The following NTRK1 variants were observed in gnomAD, a reference collection of about 807,000 sequenced individuals.
NTRK1 encodes the protein neurotrophic receptor tyrosine kinase 1.
NTRK1 carries 62 observed loss-of-function variants against 86.8 expected under a neutral mutation model. The ratio of observed to expected loss-of-function variants is 0.71; its 90% CI spans 0.58 to 0.88. NTRK1 has a LOEUF of 0.88. Among genes scored for constraint, NTRK1 ranks in the 40% least tolerant of loss-of-function variants. The probability of loss-of-function intolerance (pLI) is 0.00; values close to 1 mark genes in which losing one functional copy is unlikely to be tolerated. For synonymous variants in NTRK1, 469 were observed against 456.6 expected (o/e 1.03, Z -0.35); for missense variants, 967 against 1,078.4 (o/e 0.90, Z 1.45).
intron 14 of NTRK1, among the ~76,000 whole-genome samples, chr1:156,877,734 A>G (rs147970380): frequency 2.0e-3 from 310 of 152,322 alleles, no homozygotes; most frequent in African/African-American, 7.1e-3. Context: ...CAAGCGCTGT[A>G]TGGTTGTCCA....
chr1:156,833,122 C>G (rs577693188), intron 1 of NTRK1, among the ~76,000 whole-genome samples: 1 of 152,366 alleles, frequency 6.6e-6, no homozygotes, highest in South Asian at 2.1e-4. Context: ...AATAGGTGTA[C>G]AGATCTGACT....
At chr1:156,880,719 G>C (rs531996943) in intron 16 of NTRK1, among the ~76,000 whole-genome samples, 4 of 152,200 alleles carry the variant, frequency 2.6e-5, no homozygotes, top group Non-Finnish European at 4.4e-5. Context: ...CTGGTGGGGT[G>C]GGGGAGAGGG....
intron 7 of NTRK1, among the ~76,000 whole-genome samples, chr1:156,872,556 A>G (rs1370412960): frequency 6.6e-6 from 1 of 151,810 alleles, no homozygotes; most frequent in Non-Finnish European, 1.5e-5. Context: ...CATGCAATTC[A>G]TTGCTAAATA....
intron 1 of NTRK1, chr1:156,840,880 C>T: frequency 1.2e-6 from 2 of 1,612,566 alleles, no homozygotes; most frequent in Non-Finnish European, 1.7e-6. Flanking sequence ...CCCTCAGTGC[C>T]CTGGACCCCC....
chr1:156,833,734 C>A (rs1261517350), intron 1 of NTRK1, among the ~76,000 whole-genome samples: 1 of 152,196 alleles, frequency 6.6e-6, no homozygotes, highest in Non-Finnish European at 1.5e-5. Context: ...CTCTGCCAAC[C>A]ACACTTCCCA....
intron 1 of NTRK1, among the ~76,000 whole-genome samples, chr1:156,825,823 A>G (rs1654303129): frequency 6.6e-6 from 1 of 152,158 alleles, no homozygotes; most frequent in Admixed American, 6.5e-5. Flanking sequence ...GCTTGCCATG[A>G]GCAAACACTG....
chr1:156,842,243 A>G lies in NTRK1; in HGVS notation c.50+50A>G, dbSNP rs756700664. 2.0e-5 allele frequency: 33 copies of G among 1,613,542 alleles called. No homozygotes were observed. The East Asian group carries it at 6.2e-4, about 31-fold the overall frequency. On this transcript the variant is annotated intron_variant, in intron 2 of 16. Transcript: ENST00000392302. ...ACCAGCCATTTGGATCATTTCCCCC[A>G]ATGCTGGCTGTGGGAGCCCAGGGTT...
In NTRK1 at chr1:156,876,348, G is replaced by A. The variant is rs376648734; in HGVS notation, c.1633-52G>A. On this transcript the variant is annotated intron_variant, in intron 13 of 16. Coordinates refer to ENST00000524377, the MANE Select transcript of NTRK1 (RefSeq NM_002529.4). ...GTGGGCGGGCTGCCCTGGGTGAACA[G>A]CAGTGAGGGCTCGGCCCCCAACTCA... The A allele has an allele frequency of 1.8e-3, 2,886 of 1,612,020 alleles. 7 individuals carry two copies. Among genetic ancestry groups the A allele is most frequent in the Middle Eastern group, 2.1e-3 (12 of 5,780 alleles).
intron 2 of NTRK1, chr1:156,846,830 AC>A: frequency 8.3e-7 from 1 of 1,202,704 alleles, no homozygotes; most frequent in Non-Finnish European, 1.2e-6. Flanking sequence ...GCTCTGAATC[AC>A]CCCAGGACTG....
At chr1:156,849,376 G>C in intron 2 of NTRK1, 3 of 1,613,850 alleles carry the variant, frequency 1.9e-6, no homozygotes, top group Non-Finnish European at 2.5e-6. Flanking sequence ...AGTAGATCTT[G>C]CCCACGGGAA....
At chr1:156,849,068 G>T (rs2102863266) in intron 2 of NTRK1, 1 of 1,606,248 alleles carries the variant, frequency 6.2e-7, no homozygotes. Context: ...CGAGGGGCCT[G>T]CTCGCAACCG....
chr1:156,829,048 A>T (rs1654397311), intron 1 of NTRK1, among the ~76,000 whole-genome samples: 1 of 152,228 alleles, frequency 6.6e-6, no homozygotes, highest in South Asian at 2.1e-4. Flanking sequence ...AGCAAACAAG[A>T]TGTGCGCAGC....
chr1:156,823,107 C>T (rs933196716), intron 1 of NTRK1, among the ~76,000 whole-genome samples: 2 of 152,192 alleles, frequency 1.3e-5, no homozygotes, highest in Non-Finnish European at 2.9e-5. Flanking sequence ...TAACTAGGAC[C>T]TCTAGCCTGG....
chr1:156,843,556 A>G (rs967452403), intron 2 of NTRK1: 3 of 1,449,344 alleles, frequency 2.1e-6, no homozygotes, highest in Middle Eastern at 1.7e-4. Flanking sequence ...AGGAAGAAGG[A>G]CATTTCAAGG....
At chr1:156,817,642 CTTTTT>C (rs1317245406) in intron 1 of NTRK1, among the ~76,000 whole-genome samples, 1 of 131,258 alleles carries the variant, frequency 7.6e-6, no homozygotes. Flanking sequence ...GTGTTGACAT[CTTTTT>C]TTTTTTTTTT....
At chr1:156,878,328 T>A (rs2768755) in intron 14 of NTRK1, among the ~76,000 whole-genome samples, 90,934 of 151,992 alleles carry the variant, frequency 0.6, 29,382 homozygotes, top group Non-Finnish European at 0.73. Context: ...AGGTGTCCCT[T>A]CCTCTAGGAA....
chr1:156,817,596 T>C (rs967731934), intron 1 of NTRK1, among the ~76,000 whole-genome samples: 1 of 151,646 alleles, frequency 6.6e-6, no homozygotes. Flanking sequence ...TCATCATTAG[T>C]ATCAACACTA....
chr1:156,840,749 G>C, intron 1 of NTRK1: 2 of 745,540 alleles, frequency 2.7e-6, no homozygotes, highest in Non-Finnish European at 4.6e-6. Context: ...CCTGTTCTCT[G>C]CCCCACCCTC....
intron 2 of NTRK1, chr1:156,843,131 C>G (rs1450631139): frequency 4.3e-6 from 7 of 1,614,158 alleles, no homozygotes; most frequent in Non-Finnish European, 5.9e-6. Context: ...AGCCTCAAGT[C>G]CTCGTGCCAG....
Sources: allele counts gnomAD v4.1 joint callset (sites outside exome capture counted in the v4.1 genomes callset), GRCh38; gene constraint gnomAD v4.1.1; transcripts MANE v1.5; gene names NCBI Gene and HGNC (gene_info 2026-07-23, HGNC 2026-07-21).